UNC93A: variants seen among roughly 807,000 people sequenced by gnomAD.
UNC93A encodes N-acetylglucosamine transporter UNC93A.
In UNC93A, 43 loss-of-function variants were observed where a neutral mutation model predicts 47.5. That is an observed-to-expected ratio of 0.91 (90% confidence interval 0.71 to 1.17). The LOEUF (loss-of-function observed/expected upper bound fraction) is 1.17, where lower values mean the gene tolerates loss of function less well. Among genes scored for constraint, UNC93A ranks in the 50% most tolerant of loss-of-function variants. The pLI is 0.00. For synonymous variants in UNC93A, 280 were observed against 258.0 expected (o/e 1.09, Z -0.82); for missense variants, 605 against 577.6 (o/e 1.05, Z -0.49).
intron 7 of UNC93A, among the ~76,000 whole-genome samples, chr6:167,310,978 C>G (rs1216816564): frequency 6.6e-6 from 1 of 152,206 alleles, no homozygotes; most frequent in Non-Finnish European, 1.5e-5. Flanking sequence ...TTTAGTGCCG[C>G]GTTCCTGCAC....
chr6:167,302,532 C>T (rs771915834), intron 4 of UNC93A, among the ~76,000 whole-genome samples: 4 of 151,992 alleles, frequency 2.6e-5, no homozygotes, highest in Non-Finnish European at 4.4e-5. Flanking sequence ...GTATCACAGA[C>T]GGCACTTACA....
intron 1 of UNC93A, among the ~76,000 whole-genome samples, chr6:167,277,685 GTC>G (rs943123425): frequency 3.6e-5 from 5 of 138,018 alleles, no homozygotes; most frequent in African/African-American, 1.5e-4. Context: ...TTCTCTTTCT[GTC>G]TCTCTCTGTC....
chr6:167,269,241 G>C (rs1783415184), upstream of UNC93A, among the ~76,000 whole-genome samples: 1 of 152,206 alleles, frequency 6.6e-6, no homozygotes, highest in African/African-American at 2.4e-5. Flanking sequence ...AGAACATCAT[G>C]GCTCTGTGCT....
At chr6:167,295,501 A>C (rs112847232) in intron 2 of UNC93A, among the ~76,000 whole-genome samples, 9,858 of 43,132 alleles carry the variant, frequency 0.23, 1,690 homozygotes, top group African/African-American at 0.38. Context: ...CTCCCTCGTG[A>C]TCCTCGCCTG....
chr6:167,308,384 G>A (rs954778558), intron 7 of UNC93A, among the ~76,000 whole-genome samples: 1 of 152,136 alleles, frequency 6.6e-6, no homozygotes, highest in Non-Finnish European at 1.5e-5. Flanking sequence ...CACATCACAG[G>A]TCACTAGGGT....
chr6:167,280,746 C>T (rs962254815), intron 1 of UNC93A, among the ~76,000 whole-genome samples: 14 of 152,192 alleles, frequency 9.2e-5, no homozygotes, highest in African/African-American at 3.1e-4. Flanking sequence ...GCATAACCTG[C>T]TGACACTGGA....
chr6:167,274,060 A>G (rs1232341831), intron 1 of UNC93A, among the ~76,000 whole-genome samples: 1 of 152,212 alleles, frequency 6.6e-6, no homozygotes, highest in African/African-American at 2.4e-5. Context: ...ACAGCTTTGC[A>G]GGGACATTTC....
At chr6:167,270,762 G>A (rs188534784), upstream of UNC93A, among the ~76,000 whole-genome samples, 5 of 152,282 alleles carry the variant, frequency 3.3e-5, no homozygotes, top group Non-Finnish European at 7.4e-5. Flanking sequence ...GGGGTGACGC[G>A]TCTACAAACG....
chr6:167,285,661 C>G (rs1783713930), intron 1 of UNC93A, among the ~76,000 whole-genome samples: 1 of 151,530 alleles, frequency 6.6e-6, no homozygotes, highest in Non-Finnish European at 1.5e-5. Context: ...TTCTTTATAA[C>G]CCACTGGGGT....
chr6:167,270,437 C>G (rs1215966549), upstream of UNC93A, among the ~76,000 whole-genome samples: 1 of 152,086 alleles, frequency 6.6e-6, no homozygotes, highest in Non-Finnish European at 1.5e-5. Flanking sequence ...TGTCAGGGAG[C>G]TTTCAGTGGG....
upstream of UNC93A, among the ~76,000 whole-genome samples, chr6:167,270,783 C>T (rs956698522): frequency 1.8e-4 from 27 of 152,150 alleles, no homozygotes; most frequent in Admixed American, 1.6e-3. Context: ...AGGGTTTCCC[C>T]GAACACCAGA....
chr6:167,276,500 A>T (rs901361783), intron 1 of UNC93A, among the ~76,000 whole-genome samples: 1 of 152,142 alleles, frequency 6.6e-6, no homozygotes, highest in African/African-American at 2.4e-5. Context: ...CTTGTACAAT[A>T]GTATTATTCT....
chr6:167,279,290 C>T (rs1309130930), intron 1 of UNC93A, among the ~76,000 whole-genome samples: 2 of 152,128 alleles, frequency 1.3e-5, no homozygotes, highest in Non-Finnish European at 2.9e-5. Context: ...GACATTCTGT[C>T]CTGTCTAGTA....
upstream of UNC93A, among the ~76,000 whole-genome samples, chr6:167,269,590 C>T (rs1332683993): frequency 6.6e-6 from 1 of 152,054 alleles, no homozygotes; most frequent in Non-Finnish European, 1.5e-5. Flanking sequence ...CATAATGGCA[C>T]TTTTTAAAAA....
chr6:167,279,789 G>A (rs1218715131), intron 1 of UNC93A, among the ~76,000 whole-genome samples: 2 of 152,090 alleles, frequency 1.3e-5, no homozygotes, highest in Non-Finnish European at 2.9e-5. Flanking sequence ...TTTGCACATA[G>A]TAGAGAATGA....
intron 1 of UNC93A, among the ~76,000 whole-genome samples, chr6:167,280,993 C>A (rs187534894): frequency 2.0e-5 from 3 of 152,284 alleles, no homozygotes; most frequent in East Asian, 1.9e-4. Flanking sequence ...AACAAACAAG[C>A]AAATCAACCT....
At chr6:167,287,829 CAG>C (rs1435660497), upstream of UNC93A, among the ~76,000 whole-genome samples, 3 of 152,122 alleles carry the variant, frequency 2.0e-5, no homozygotes, top group Non-Finnish European at 4.4e-5. Flanking sequence ...TGGAACAGGC[CAG>C]ATTCTCCGCA....
chr6:167,304,011 C>A lies in UNC93A; in HGVS notation c.718C>A (p.Pro240Thr). Residue 240 changes from proline to threonine, a missense_variant, in exon 5 of 8, where the codon CCT becomes ACT. By Grantham distance (38) the Pro-to-Thr change is conservative (BLOSUM62 -1). Transcript: ENST00000230256. ...RESEGEKKSV[P>T]FWSTLLSTFK... is the part of the protein sequence containing the mutation. ...AAGTGAAGGAGAGAAGAAATCAGTA[C>A]CTTTCTGGTCCACTTTACTGTCGAC... is the stretch of plus-strand genomic sequence containing the variant. The A allele has an allele frequency of 1.9e-6, 3 of 1,613,840 alleles. No homozygotes were observed. The highest frequency in any genetic ancestry group is 2.5e-6 in the Non-Finnish European group (3 of 1,179,984).
At chr6:167,279,527 T>G (rs1783597767) in intron 1 of UNC93A, among the ~76,000 whole-genome samples, 1 of 152,206 alleles carries the variant, frequency 6.6e-6, no homozygotes, top group African/African-American at 2.4e-5. Context: ...AAAATTATCT[T>G]TCAGATAGTA....
Sources: allele counts gnomAD v4.1 joint callset (sites outside exome capture counted in the v4.1 genomes callset), GRCh38; gene constraint gnomAD v4.1.1; transcripts MANE v1.5; gene names NCBI Gene and HGNC (gene_info 2026-07-23, HGNC 2026-07-21).